DESI2: variants seen among roughly 807,000 people sequenced by gnomAD.
DESI2 encodes desumoylating isopeptidase 2.
In DESI2, 10 loss-of-function variants were observed where a neutral mutation model predicts 24.1. The observed-to-expected ratio is 0.41, with a 90% CI of 0.26 to 0.70. DESI2 has a LOEUF of 0.70. Among genes scored for constraint, DESI2 ranks in the 30% least tolerant of loss-of-function variants. The pLI is 0.29. For missense variants in DESI2, 122 were observed against 234.9 expected (o/e 0.52, Z 3.14); for synonymous variants, 71 against 87.7 (o/e 0.81, Z 1.06).
rs565868750 is a variant in DESI2, at chr1:244,703,819, T to C, written c.352-1737T>C. Among the ~76,000 whole-genome samples, 38 of 152,118 alleles carry C rather than the reference T, an allele frequency of 2.5e-4. No homozygotes were observed. The South Asian group carries it at 3.7e-3, about 15-fold the overall frequency. On this transcript the variant is annotated intron_variant, in intron 4 of 4. Coordinates refer to ENST00000302550, the MANE Select transcript of DESI2 (RefSeq NM_016076.5). The stretch of plus-strand genomic sequence containing the variant: ...GACTACAGGTGCCCGCCACCACGCC[T>C]AGCTAATTTTTTGTATGTTTAGTAG...
At position 244,679,031 on chromosome 1, in the gene DESI2, CTT is replaced by C. The variant is rs1223348119; in HGVS notation, c.43-7562_43-7561del. Among the ~76,000 whole-genome samples the C allele has an allele frequency of 3.3e-5, 5 of 152,048 alleles. No homozygotes were observed. In the East Asian group the frequency reaches 9.6e-4, roughly 29 times the overall value. ...GTGATACCTTGCAGTATTTTCCACT[CTT>C]TTTCTCTTTTTTTCTTTTTTTTTGA... is the stretch of plus-strand genomic sequence containing the variant. On this transcript the variant is annotated intron_variant, in intron 1 of 4. Coordinates refer to ENST00000302550, the MANE Select transcript of DESI2 (RefSeq NM_016076.5).
At position 244,706,468 on chromosome 1, in the gene DESI2, G is replaced by A. The variant is rs1296961124; in HGVS notation, c.*679G>A. 6.5e-6 allele frequency: 1 copy of A among 152,702 alleles called. No homozygotes were observed. Among genetic ancestry groups the A allele is most frequent in the Non-Finnish European group, 1.5e-5 (1 of 68,134 alleles). 9.5% of individuals were successfully genotyped at this position (152,702 alleles called of 1,614,324 possible). A position where few individuals can be genotyped will look rare whatever the true frequency, so the allele number is the denominator to read the frequency against. On this transcript the variant is annotated 3_prime_UTR_variant, in exon 5 of 5. Coordinates refer to ENST00000302550, the MANE Select transcript of DESI2 (RefSeq NM_016076.5). ...AATATCCGTCCACCTAGGCGGGGTG[G>A]TATGTTCTTACGTCTCTCTGACTTT...
intron 1 of DESI2, among the ~76,000 whole-genome samples, chr1:244,683,229 C>A (rs541192960): frequency 5.9e-5 from 9 of 152,252 alleles, no homozygotes; most frequent in Admixed American, 5.2e-4. Flanking sequence ...TAGCAAGATT[C>A]TTTGCTAAAA....
chr1:244,653,275 G>C lies in DESI2; in HGVS notation c.-39G>C. ...AGCGGCCTCCGGCCCCGCGGAGACG[G>C]AGCGGCTTGAGGACGAGGCGGCGGC... On this transcript the variant is annotated 5_prime_UTR_variant, in exon 1 of 5. Transcript: ENST00000302550. The C allele has an allele frequency of 6.8e-7, 1 of 1,472,614 alleles. No homozygotes were observed. The allele number at this position is 1,472,614 out of a possible 1,614,324, so 91.2% of individuals were successfully genotyped here.
At chr1:244,679,144 T>C (rs1676512471) in intron 1 of DESI2, among the ~76,000 whole-genome samples, 1 of 152,108 alleles carries the variant, frequency 6.6e-6, no homozygotes, top group Admixed American at 6.5e-5. Context: ...GCTCAGGTAA[T>C]CAATCCTCCC....
At chr1:244,691,752 C>A in intron 3 of DESI2, 127 bp from the exon 4 acceptor site, 1 of 727,556 alleles carries the variant, frequency 1.4e-6, no homozygotes, top group Non-Finnish European at 2.1e-6. Context: ...GTTATATTAA[C>A]CCTGATTTGT....
chr1:244,687,359 T>C (rs1231852783), intron 2 of DESI2, among the ~76,000 whole-genome samples: 1 of 152,212 alleles, frequency 6.6e-6, no homozygotes, highest in African/African-American at 2.4e-5. Flanking sequence ...TGCAAGATAA[T>C]CTACCCCTGA....
In DESI2 at chr1:244,686,820, C is replaced by T. The variant is rs1301292007; in HGVS notation, c.115+151C>T. 1.7e-5 allele frequency: 9 copies of T among 517,386 alleles called. No homozygotes were observed. In the East Asian group the frequency reaches 2.2e-4, roughly 13 times the overall value. The allele number at this position is 517,386 out of a possible 1,614,324, so 32.0% of individuals were successfully genotyped here. On this transcript the variant is annotated intron_variant, in intron 2 of 4. Coordinates refer to ENST00000302550, the MANE Select transcript of DESI2 (RefSeq NM_016076.5). The stretch of plus-strand genomic sequence containing the variant: ...AATCTCCCCATATTCATTTATACTG[C>T]GTTTTGGAAAAATGCCCAAAGTAGA...
intron 1 of DESI2, among the ~76,000 whole-genome samples, chr1:244,671,316 G>A (rs982059656): frequency 3.3e-5 from 5 of 152,190 alleles, no homozygotes; most frequent in African/African-American, 1.2e-4. Flanking sequence ...TTAAGTAGAT[G>A]TGGTTCGAAT....
At chr1:244,659,561 C>A (rs1262903374) in intron 1 of DESI2, among the ~76,000 whole-genome samples, 1 of 152,186 alleles carries the variant, frequency 6.6e-6, no homozygotes, top group Non-Finnish European at 1.5e-5. Flanking sequence ...CATCTTCAGA[C>A]CGGCAATGGT....
intron 1 of DESI2, 184 bp downstream of exon 1, chr1:244,653,539 C>T: frequency 3.4e-6 from 2 of 581,134 alleles, no homozygotes; most frequent in Non-Finnish European, 5.7e-6. Context: ...CGTCGACGCT[C>T]CGGTGAACCC....
chr1:244,663,878 C>T (rs963167094), intron 1 of DESI2, among the ~76,000 whole-genome samples: 1 of 151,928 alleles, frequency 6.6e-6, no homozygotes, highest in Non-Finnish European at 1.5e-5. Flanking sequence ...ATTAGCCAGG[C>T]GTGGTGGCGG....
At chr1:244,657,230 G>A (rs1360590070) in intron 1 of DESI2, among the ~76,000 whole-genome samples, 2 of 152,180 alleles carry the variant, frequency 1.3e-5, no homozygotes, top group East Asian at 3.8e-4. Context: ...AGGGTGTCAG[G>A]TCAGGCAGGT....
At chr1:244,666,722 G>A (rs888018873) in intron 1 of DESI2, among the ~76,000 whole-genome samples, 2 of 152,130 alleles carry the variant, frequency 1.3e-5, no homozygotes, top group African/African-American at 2.4e-5. Flanking sequence ...ACTCTGTAGT[G>A]ACCCTGAGGG....
rs1286897455 is a variant in DESI2 at position 244,707,643 on chromosome 1, TTAA to T, written c.*1859_*1861del. The T allele has an allele frequency of 2.6e-5, 4 of 152,210 alleles. No homozygotes were observed. The highest frequency in any genetic ancestry group is 5.9e-5 in the Non-Finnish European group (4 of 68,042). 9.4% of individuals were successfully genotyped at this position (152,210 alleles called of 1,614,324 possible). A position where few individuals can be genotyped will look rare whatever the true frequency, so the allele number is the denominator to read the frequency against. On this transcript the variant is annotated 3_prime_UTR_variant, in exon 5 of 5. Coordinates refer to ENST00000302550, the MANE Select transcript of DESI2 (RefSeq NM_016076.5). ...TGGATACAGTTTGCTTGTAATATTT[TTAA>T]TAATGTGAGGAGTACAGTGTTTTCT...
At chr1:244,673,915 A>C (rs1558655763) in intron 1 of DESI2, among the ~76,000 whole-genome samples, 1 of 150,748 alleles carries the variant, frequency 6.6e-6, no homozygotes, top group Non-Finnish European at 1.5e-5. Context: ...GTTTTTGTTT[A>C]GGTTTGCCAA....
chr1:244,662,636 G>A (rs910047032), intron 1 of DESI2, among the ~76,000 whole-genome samples: 2 of 152,138 alleles, frequency 1.3e-5, no homozygotes, highest in Admixed American at 1.3e-4. Context: ...GAGATAGTAA[G>A]TGGTAATTAG....
chr1:244,697,721 G>A (rs1677276315), intron 4 of DESI2, among the ~76,000 whole-genome samples: 1 of 152,134 alleles, frequency 6.6e-6, no homozygotes, highest in Admixed American at 6.5e-5. Context: ...GAAAAAAGAA[G>A]TGTAGCCCAG....
chr1:244,703,979 C>T (rs1677592237), intron 4 of DESI2, among the ~76,000 whole-genome samples: 1 of 152,090 alleles, frequency 6.6e-6, no homozygotes, highest in South Asian at 2.1e-4. Context: ...TAAGTGTCTA[C>T]CTCTCTGTAC....
Sources: gnomAD v4.1 joint callset for allele counts (sites outside exome capture counted in the v4.1 genomes callset) on GRCh38, gnomAD v4.1.1 for gene constraint, MANE v1.5 for transcripts, NCBI Gene and HGNC (gene_info 2026-07-23, HGNC 2026-07-21) for gene names.